The following NUBPL variants were observed in gnomAD, a reference collection of about 807,000 sequenced individuals.
NUBPL encodes NUBP iron-sulfur cluster assembly factor, mitochondrial.
In NUBPL, 31 loss-of-function variants were observed where a neutral mutation model predicts 45.7. The observed-to-expected ratio is 0.68, with a 90% CI of 0.51 to 0.92. The LOEUF is 0.92. Ranked by LOEUF, NUBPL falls within the 40% of genes least tolerant of loss-of-function variation. The probability of loss-of-function intolerance (pLI) is 0.00; values close to 1 mark genes in which losing one functional copy is unlikely to be tolerated. For missense variants in NUBPL, 401 were observed against 398.7 expected, an observed-to-expected ratio of 1.01 and a Z score of -0.05; for synonymous variants, 144 against 140.9, an observed-to-expected ratio of 1.02 and a Z score of -0.15.
chr14:31,777,330 T>C (rs1260111356), intron 6 of NUBPL, among the ~76,000 whole-genome samples: 1 of 152,208 alleles, frequency 6.6e-6, no homozygotes, highest in East Asian at 1.9e-4. Context: ...CTTGTAGAGA[T>C]CCTTGAGGCA....
At chr14:31,856,612 G>A (rs771147500) in intron 10 of NUBPL, among the ~76,000 whole-genome samples, 4 of 152,232 alleles carry the variant, frequency 2.6e-5, no homozygotes, top group Non-Finnish European at 4.4e-5. Context: ...CCTAGATACA[G>A]TGGGGGTACA....
At chr14:31,678,626 T>G (rs1215116846) in intron 6 of NUBPL, among the ~76,000 whole-genome samples, 1 of 152,224 alleles carries the variant, frequency 6.6e-6, no homozygotes, top group Admixed American at 6.5e-5. Flanking sequence ...GTCTGCTCTG[T>G]GCCCTGTCCT....
chr14:31,670,882 G>A (rs2036555764), intron 4 of NUBPL, among the ~76,000 whole-genome samples: 1 of 152,170 alleles, frequency 6.6e-6, no homozygotes, highest in Admixed American at 6.5e-5. Context: ...TAGCCCTGTA[G>A]TGTAGTTTGA....
At chr14:31,692,506 G>C (rs1020085948) in intron 6 of NUBPL, among the ~76,000 whole-genome samples, 36 of 152,302 alleles carry the variant, frequency 2.4e-4, no homozygotes, top group African/African-American at 7.9e-4. Context: ...AGCAGTTTTA[G>C]TGCTTTTAGT....
intron 7 of NUBPL, among the ~76,000 whole-genome samples, chr14:31,801,542 C>CA (rs2039590508): frequency 6.6e-6 from 1 of 152,056 alleles, no homozygotes; most frequent in Non-Finnish European, 1.5e-5. Flanking sequence ...GATACTGTCA[C>CA]AAAGCAAAAT....
chr14:31,826,448 A>C (rs2040105310), intron 7 of NUBPL, among the ~76,000 whole-genome samples, 181 bp from the exon 8 acceptor site: 1 of 152,156 alleles, frequency 6.6e-6, no homozygotes, highest in African/African-American at 2.4e-5. Flanking sequence ...GTGAGGATTC[A>C]AAGGTAGGCC....
At chr14:31,834,387 G>C (rs1218187642) in intron 8 of NUBPL, among the ~76,000 whole-genome samples, 2 of 151,978 alleles carry the variant, frequency 1.3e-5, no homozygotes, top group Admixed American at 1.3e-4. Context: ...CACCGTGTTA[G>C]CCAGGATGGT....
At chr14:31,817,645 A>G (rs541563825) in intron 7 of NUBPL, among the ~76,000 whole-genome samples, 1 of 152,220 alleles carries the variant, frequency 6.6e-6, no homozygotes, top group South Asian at 2.1e-4. Context: ...CTGCCTTACA[A>G]GAGCTCCTGA....
At chr14:31,658,041 T>C (rs1191714464) in intron 4 of NUBPL, among the ~76,000 whole-genome samples, 1 of 152,216 alleles carries the variant, frequency 6.6e-6, no homozygotes, top group African/African-American at 2.4e-5. Context: ...AAAATTCAAC[T>C]ACTGTTTAAA....
At chr14:31,705,833 C>T (rs1273661115) in intron 6 of NUBPL, among the ~76,000 whole-genome samples, 2 of 152,216 alleles carry the variant, frequency 1.3e-5, no homozygotes, top group Admixed American at 1.3e-4. Flanking sequence ...ACTCTGGCAG[C>T]CCAGAAGGAG....
intron 3 of NUBPL, among the ~76,000 whole-genome samples, chr14:31,587,590 T>C (rs1317388207): frequency 6.6e-6 from 1 of 152,252 alleles, no homozygotes; most frequent in African/African-American, 2.4e-5. Context: ...GCTTCTATTG[T>C]TGCTTACTAT....
At chr14:31,821,098 G>A (rs1025615836) in intron 7 of NUBPL, among the ~76,000 whole-genome samples, 1 of 151,504 alleles carries the variant, frequency 6.6e-6, no homozygotes, top group African/African-American at 2.4e-5. Flanking sequence ...ACTCCAGCCT[G>A]GGCAACAAGA....
chr14:31,760,161 G>GAC lies in NUBPL; in HGVS notation c.514-27618_514-27617insCA, dbSNP rs1555335621. ...TGTGTGTGTGAGAGAGAGAGAGAGA[G>GAC]AGAGAGAGAGAGAGAGAGAGACAGG... On this transcript the variant is annotated intron_variant, in intron 6 of 10. Transcript: ENST00000281081. 5.6e-3 allele frequency among the ~76,000 whole-genome samples: 807 copies of GAC among 143,152 alleles called. 34 individuals carry two copies. Among genetic ancestry groups the GAC allele is most frequent in the African/African-American group, 0.02 (750 of 37,996 alleles). 93.9% of individuals were successfully genotyped at this position (143,152 alleles called of 152,430 possible). A position where few individuals can be genotyped will look rare whatever the true frequency, so the allele number is the denominator to read the frequency against.
Position 31,837,444 on chromosome 14 carries a change from C to CTTTAATT in NUBPL, c.694-9024_694-9018dup, listed in dbSNP as rs1453982090. Reference sequence around the variant, plus strand: ...TACCAAAATAGCTTCTACAGTCAGGCTTTAATTTTCTAGAGCAGCACTGTC... The same window carrying CTTTAATT: ...TACCAAAATAGCTTCTACAGTCAGGCTTTAATTTTTAATTTTCTAGAGCAGCACTGTC... On this transcript the variant is annotated intron_variant, in intron 8 of 10. Coordinates refer to ENST00000281081, the MANE Select transcript of NUBPL (RefSeq NM_025152.3). Among the ~76,000 whole-genome samples, 3 of 152,310 alleles carry CTTTAATT rather than the reference C, an allele frequency of 2.0e-5. No individual in the cohort carries two copies. The East Asian group carries it at 5.8e-4, about 29-fold the overall frequency.
At chr14:31,725,653 G>A (rs2037904307) in intron 6 of NUBPL, among the ~76,000 whole-genome samples, 1 of 151,074 alleles carries the variant, frequency 6.6e-6, no homozygotes, top group Non-Finnish European at 1.5e-5. Flanking sequence ...TTTTCCACTT[G>A]TCGGGTCATG....
rs1471671686 is a variant in NUBPL, at chr14:31,669,803, TTTTTTG to T, written c.383-3546_383-3541del. On this transcript the variant is annotated intron_variant, in intron 4 of 10. Transcript: ENST00000281081. ...TGCAAAAGACATGATCTTGGTTTTT[TTTTTTG>T]TTTTTTTTTTTTTACGGCTGCCTAG... is the stretch of plus-strand genomic sequence containing the variant. Among the ~76,000 whole-genome samples the T allele has an allele frequency of 5.3e-4, 32 of 60,472 alleles. No homozygotes were observed. In the South Asian group the frequency reaches 0.012, roughly 23 times the overall value. The allele number at this position is 60,472 out of a possible 152,430, so 39.7% of individuals were successfully genotyped here.
rs914061386 is a variant in NUBPL at position 31,733,837 on chromosome 14, G to A, written c.514-53943G>A. Among the ~76,000 whole-genome samples the A allele has an allele frequency of 5.3e-5, 8 of 152,118 alleles. No homozygotes were observed. The East Asian group carries it at 5.8e-4, about 11-fold the overall frequency. ...AGAAGTGGTGAGAATGTATTTACTC[G>A]TCTTGTATTGATCTCTTAGGAAAAG... On this transcript the variant is annotated intron_variant, in intron 6 of 10. Transcript: ENST00000281081.
intron 6 of NUBPL, among the ~76,000 whole-genome samples, chr14:31,776,972 A>G (rs1425342756): frequency 6.6e-6 from 1 of 152,214 alleles, no homozygotes; most frequent in African/African-American, 2.4e-5. Flanking sequence ...GAAATCTCAG[A>G]TTTTATAGCA....
At chr14:31,722,812 G>A (rs962690413) in intron 6 of NUBPL, among the ~76,000 whole-genome samples, 3 of 152,022 alleles carry the variant, frequency 2.0e-5, no homozygotes, top group African/African-American at 7.2e-5. Context: ...ATTTGTTTAA[G>A]TTCCTTATAG....
Sources: allele counts gnomAD v4.1 joint callset (sites outside exome capture counted in the v4.1 genomes callset), GRCh38; gene constraint gnomAD v4.1.1; transcripts MANE v1.5; gene names NCBI Gene and HGNC (gene_info 2026-07-23, HGNC 2026-07-21).